DOCK1: variants seen among roughly 807,000 people sequenced by gnomAD.
DOCK1 encodes dedicator of cytokinesis protein 1.
In DOCK1, 138 loss-of-function variants were observed where a neutral mutation model predicts 262.7. The observed-to-expected ratio is 0.53, with a 90% CI of 0.46 to 0.61. The LOEUF is 0.61. Among genes scored for constraint, DOCK1 ranks in the 20% least tolerant of loss-of-function variants. DOCK1 has a pLI of 0.00. For missense variants in DOCK1, 1,908 were observed against 2,370.7 expected, an observed-to-expected ratio of 0.80 and a Z score of 4.05; for synonymous variants, 866 against 867.4, an observed-to-expected ratio of 1.00 and a Z score of 0.03.
chr10:127,322,314 T>A (rs2062570117), intron 29 of DOCK1, among the ~76,000 whole-genome samples: 3 of 148,770 alleles, frequency 2.0e-5, no homozygotes, highest in Middle Eastern at 3.4e-3. Flanking sequence ...CTTAGCCTCC[T>A]AAGTAGCTGG....
chr10:127,336,053 A>G (rs1274569366), intron 29 of DOCK1, among the ~76,000 whole-genome samples: 1 of 150,964 alleles, frequency 6.6e-6, no homozygotes. Flanking sequence ...GGGTTTCACC[A>G]TGTTGGCCAG....
At chr10:126,983,721 T>A (rs1374881895) in intron 4 of DOCK1, among the ~76,000 whole-genome samples, 1 of 152,216 alleles carries the variant, frequency 6.6e-6, no homozygotes, top group Non-Finnish European at 1.5e-5. Context: ...TTGACTCTCG[T>A]GAAGGATCTC....
At chr10:126,996,085 T>A (rs1175461474) in intron 6 of DOCK1, among the ~76,000 whole-genome samples, 1 of 152,124 alleles carries the variant, frequency 6.6e-6, no homozygotes, top group Non-Finnish European at 1.5e-5. Context: ...TGTGTACATA[T>A]GTAGTATGCC....
rs866299759 is a variant in DOCK1, at chr10:127,235,924, A to G, written c.2848-12084A>G. 2.1e-4 allele frequency among the ~76,000 whole-genome samples: 32 copies of G among 151,884 alleles called. No homozygotes were observed. The Middle Eastern group carries it at 0.014, about 65-fold the overall frequency. On this transcript the variant is annotated intron_variant, in intron 27 of 51. Coordinates refer to ENST00000623213, the MANE Select transcript of DOCK1 (RefSeq NM_001290223.2). ...CTTGGCCATTTGTGTTCCTTTTTTG[A>G]TTAAATATCTGCTCACATTTTTTGC...
intron 23 of DOCK1, among the ~76,000 whole-genome samples, chr10:127,073,543 G>C (rs2046350237): frequency 6.6e-6 from 1 of 152,192 alleles, no homozygotes; most frequent in Admixed American, 6.5e-5. Flanking sequence ...CCTCCTCTTG[G>C]CTTAGTATTT....
chr10:127,008,846 G>A, intron 11 of DOCK1, 42 bp downstream of exon 11: 1 of 1,440,638 alleles, frequency 6.9e-7, no homozygotes, highest in South Asian at 1.2e-5. Context: ...GATATAATGT[G>A]GAAAACATAG....
chr10:127,074,863 T>G (rs1223584977), intron 23 of DOCK1, among the ~76,000 whole-genome samples: 1 of 152,064 alleles, frequency 6.6e-6, no homozygotes, highest in Admixed American at 6.5e-5. Flanking sequence ...TATTGAAGAT[T>G]AAAAGGAGAG....
chr10:126,954,846 G>A (rs1330657347), intron 1 of DOCK1, among the ~76,000 whole-genome samples: 1 of 152,178 alleles, frequency 6.6e-6, no homozygotes, highest in Non-Finnish European at 1.5e-5. Flanking sequence ...CATTTGGGTT[G>A]CTTCTGCCTT....
intron 23 of DOCK1, among the ~76,000 whole-genome samples, chr10:127,070,777 A>G (rs1301826016): frequency 6.7e-6 from 1 of 150,304 alleles, no homozygotes; most frequent in Non-Finnish European, 1.5e-5. Context: ...TGTGATTCCG[A>G]CTCTGTAGGG....
At position 127,336,334 on chromosome 10, in the gene DOCK1, A is replaced by G. The variant is rs184130299; in HGVS notation, c.3045-2672A>G. Among the ~76,000 whole-genome samples, 43 of 152,086 alleles carry G rather than the reference A, an allele frequency of 2.8e-4. No homozygotes were observed. The East Asian group carries it at 8.0e-3, about 28-fold the overall frequency. On this transcript the variant is annotated intron_variant, in intron 29 of 51. Transcript: ENST00000623213. ...GCATCATCTGATCTTTGTTTACTGCACTGATTATGGTTTTATTTGATCTTT... is the reference window on the plus strand; with the variant it reads ...GCATCATCTGATCTTTGTTTACTGCGCTGATTATGGTTTTATTTGATCTTT...
At chr10:127,325,683 T>A (rs1376874005) in intron 29 of DOCK1, among the ~76,000 whole-genome samples, 1 of 152,228 alleles carries the variant, frequency 6.6e-6, no homozygotes, top group Non-Finnish European at 1.5e-5. Flanking sequence ...ATAGCCGAAC[T>A]CCTGTATGTC....
intron 27 of DOCK1, among the ~76,000 whole-genome samples, chr10:127,184,732 C>CT (rs1330549548): frequency 6.6e-6 from 1 of 152,216 alleles, no homozygotes; most frequent in Non-Finnish European, 1.5e-5. Flanking sequence ...TGGTCAGTCT[C>CT]TACTTTGTGT....
At chr10:127,061,438 T>C (rs567375089) in intron 22 of DOCK1, among the ~76,000 whole-genome samples, 10 of 152,188 alleles carry the variant, frequency 6.6e-5, no homozygotes, top group Non-Finnish European at 1.5e-4. Flanking sequence ...AAAAATGCAG[T>C]GAGTGGTAGC....
At chr10:127,240,619 A>G (rs918023475) in intron 27 of DOCK1, among the ~76,000 whole-genome samples, 7 of 152,212 alleles carry the variant, frequency 4.6e-5, no homozygotes, top group Admixed American at 3.9e-4. Flanking sequence ...CTGACATTCA[A>G]TGTATGCGGC....
chr10:127,146,347 A>G (rs901487996), intron 27 of DOCK1, among the ~76,000 whole-genome samples: 1 of 152,224 alleles, frequency 6.6e-6, no homozygotes, highest in Non-Finnish European at 1.5e-5. Flanking sequence ...TAGCATCTAA[A>G]TAAGAGAATT....
intron 49 of DOCK1, among the ~76,000 whole-genome samples, chr10:127,440,600 T>G (rs1259490271): frequency 1.3e-5 from 2 of 152,196 alleles, no homozygotes; most frequent in African/African-American, 4.8e-5. Flanking sequence ...CTGCACTGCT[T>G]GTTTATAACT....
chr10:127,339,148 G>A (rs951213972), intron 30 of DOCK1, 64 bp downstream of exon 30: 4 of 1,374,062 alleles, frequency 2.9e-6, no homozygotes, highest in African/African-American at 1.4e-5. Context: ...GCTGGTCCGA[G>A]CCAGTATCTT....
chr10:127,131,020 A>G (rs2050293105), intron 27 of DOCK1, among the ~76,000 whole-genome samples: 1 of 152,178 alleles, frequency 6.6e-6, no homozygotes, highest in East Asian at 1.9e-4. Flanking sequence ...TAGAAGGGCC[A>G]GACCACAAGC....
At chr10:127,236,971 A>G (rs2059091760) in intron 27 of DOCK1, among the ~76,000 whole-genome samples, 1 of 152,210 alleles carries the variant, frequency 6.6e-6, no homozygotes, top group Non-Finnish European at 1.5e-5. Context: ...ACCCTTGGTC[A>G]AGTGATTATT....
Sources: allele counts gnomAD v4.1 joint callset (sites outside exome capture counted in the v4.1 genomes callset), GRCh38; gene constraint gnomAD v4.1.1; transcripts MANE v1.5; gene names NCBI Gene and HGNC (gene_info 2026-07-23, HGNC 2026-07-21).